The following CCDC148 variants were observed in gnomAD, a reference collection of about 807,000 sequenced individuals.
CCDC148 encodes coiled-coil domain containing 148.
In CCDC148, 89 loss-of-function variants were observed where a neutral mutation model predicts 85.7. That is an observed-to-expected ratio of 1.04 (90% CI 0.87 to 1.24). The LOEUF is 1.24. Among genes scored for constraint, CCDC148 ranks in the 50% most tolerant of loss-of-function variants. CCDC148 has a pLI of 0.00. For missense variants in CCDC148, 692 were observed against 671.7 expected, an observed-to-expected ratio of 1.03 and a Z score of -0.33; for synonymous variants, 230 against 213.9, an observed-to-expected ratio of 1.08 and a Z score of -0.66.
chr2:158,443,515 A>AAAAAGAAAAG (rs1553524477), intron 1 of CCDC148, among the ~76,000 whole-genome samples: 4 of 100,898 alleles, frequency 4.0e-5, no homozygotes, highest in Non-Finnish European at 6.1e-5. Flanking sequence ...AAAAAAAAAA[A>AAAAAGAAAAG]AAAAAAAAGA....
intron 7 of CCDC148, among the ~76,000 whole-genome samples, chr2:158,314,534 T>G (rs1331649713): frequency 6.6e-6 from 1 of 152,196 alleles, no homozygotes; most frequent in Non-Finnish European, 1.5e-5. Flanking sequence ...CAGTAACATA[T>G]CCACTACGCT....
chr2:158,405,173 G>A (rs942253626), intron 1 of CCDC148, among the ~76,000 whole-genome samples: 1 of 152,054 alleles, frequency 6.6e-6, no homozygotes, highest in African/African-American at 2.4e-5. Flanking sequence ...GGAGGAACAG[G>A]GGAACAGGGA....
intron 10 of CCDC148, among the ~76,000 whole-genome samples, chr2:158,241,311 T>C (rs768257907): frequency 1.3e-5 from 2 of 152,228 alleles, no homozygotes; most frequent in Non-Finnish European, 2.9e-5. Context: ...ATATAGTTCA[T>C]TTTATATTTT....
At chr2:158,328,752 C>A (rs1443595064) in intron 7 of CCDC148, among the ~76,000 whole-genome samples, 5 of 152,224 alleles carry the variant, frequency 3.3e-5, no homozygotes, top group Admixed American at 3.3e-4. Flanking sequence ...ATTTGCATTT[C>A]TCTGATGGCC....
At chr2:158,414,553 C>T (rs1422930131) in intron 1 of CCDC148, among the ~76,000 whole-genome samples, 1 of 147,860 alleles carries the variant, frequency 6.8e-6, no homozygotes, top group East Asian at 2.0e-4. Flanking sequence ...GCACGTTGTG[C>T]ACATGTACCC....
chr2:158,282,857 C>T (rs1421662525), intron 9 of CCDC148, among the ~76,000 whole-genome samples: 1 of 152,236 alleles, frequency 6.6e-6, no homozygotes. Flanking sequence ...CTGGAGGCGT[C>T]ACGCTACTTG....
At chr2:158,392,420 A>G in intron 1 of CCDC148, among the ~76,000 whole-genome samples, 1 of 152,090 alleles carries the variant, frequency 6.6e-6, no homozygotes, top group East Asian at 1.9e-4. Context: ...AAATCCCAAA[A>G]TCCAAAATGC....
intron 2 of CCDC148, among the ~76,000 whole-genome samples, chr2:158,352,420 G>A (rs943508270): frequency 4.6e-5 from 7 of 152,192 alleles, no homozygotes; most frequent in Non-Finnish European, 8.8e-5. Context: ...CGAGAACTAC[G>A]TGAAGAATGC....
intron 11 of CCDC148, among the ~76,000 whole-genome samples, chr2:158,209,892 A>G (rs985412440): frequency 7.5e-6 from 1 of 133,230 alleles, no homozygotes; most frequent in Non-Finnish European, 1.6e-5. Context: ...ACTATGAAGA[A>G]ACTGTATCAA....
intron 11 of CCDC148, among the ~76,000 whole-genome samples, chr2:158,202,178 A>AT (rs1686001445): frequency 6.6e-6 from 1 of 152,232 alleles, no homozygotes. Flanking sequence ...TCATTGTTCC[A>AT]TATGAATTTT....
intron 1 of CCDC148, among the ~76,000 whole-genome samples, chr2:158,374,255 CT>C (rs1375746668): frequency 1.3e-5 from 2 of 152,040 alleles, no homozygotes; most frequent in African/African-American, 4.8e-5. Context: ...CCCAGACCAG[CT>C]ACTCAGGTGT....
At chr2:158,437,851 T>G (rs1687737194) in intron 1 of CCDC148, among the ~76,000 whole-genome samples, 1 of 152,104 alleles carries the variant, frequency 6.6e-6, no homozygotes, top group South Asian at 2.1e-4. Context: ...GAGAGCCAAA[T>G]TATGAGTGAA....
In CCDC148 at chr2:158,309,620, C is replaced by T; in HGVS notation, c.923G>A (p.Cys308Tyr). ...CTCTATAGCAAAGCGATATTGGTCACAATATTTCTCGTGTTCAACCTGAAA... is the reference window on the plus strand; with the variant it reads ...CTCTATAGCAAAGCGATATTGGTCATAATATTTCTCGTGTTCAACCTGAAA... ...RHDLVEHEKYCDQYRFAIEQQ... is the reference protein window; with the variant it reads ...RHDLVEHEKYYDQYRFAIEQQ... Residue 308 changes from cysteine to tyrosine, a missense_variant, in exon 9 of 14, where the codon TGT (cysteine) becomes TAT (tyrosine). By Grantham distance (194) the Cys-to-Tyr change is radical. Transcript: ENST00000283233. 6.2e-7 allele frequency: 1 copy of T among 1,612,390 alleles called. No individual in the cohort carries two copies. Among genetic ancestry groups the T allele is most frequent in the South Asian group, 1.1e-5 (1 of 90,852 alleles).
chr2:158,178,759 A>T, intron 12 of CCDC148, 120 bp downstream of exon 12: 2 of 692,414 alleles, frequency 2.9e-6, no homozygotes. Context: ...CCCCATTTGG[A>T]AAAGTTAAAT....
At chr2:158,424,599 G>T (rs1043140463) in intron 1 of CCDC148, 1 of 155,110 alleles carries the variant, frequency 6.4e-6, no homozygotes, top group African/African-American at 2.4e-5. Flanking sequence ...GATAACATTA[G>T]GAAATATACC....
intron 9 of CCDC148, among the ~76,000 whole-genome samples, chr2:158,300,309 G>C (rs1178463119): frequency 6.6e-6 from 1 of 152,142 alleles, no homozygotes; most frequent in African/African-American, 2.4e-5. Flanking sequence ...CACCTATCAG[G>C]TCCCAAACAC....
At chr2:158,327,337 C>T (rs1043213991) in intron 7 of CCDC148, among the ~76,000 whole-genome samples, 2 of 152,152 alleles carry the variant, frequency 1.3e-5, no homozygotes, top group African/African-American at 4.8e-5. Flanking sequence ...ATGATAAAAA[C>T]TATTCAAACT....
chr2:158,237,144 A>T (rs1688144637), intron 10 of CCDC148, among the ~76,000 whole-genome samples: 1 of 152,086 alleles, frequency 6.6e-6, no homozygotes, highest in South Asian at 2.1e-4. Context: ...GTGTTCATGG[A>T]GTAGGAAGTA....
intron 9 of CCDC148, among the ~76,000 whole-genome samples, chr2:158,294,144 T>C (rs917316884): frequency 5.3e-5 from 8 of 151,946 alleles, no homozygotes; most frequent in African/African-American, 1.9e-4. Flanking sequence ...TATAGTTTTG[T>C]CTTGCCAAAA....
Sources: gnomAD v4.1 joint callset for allele counts (sites outside exome capture counted in the v4.1 genomes callset) on GRCh38, gnomAD v4.1.1 for gene constraint, MANE v1.5 for transcripts, NCBI Gene and HGNC (gene_info 2026-07-23, HGNC 2026-07-21) for gene names.